Variants in SLC25A21 observed in about 807,000 individuals in gnomAD.
SLC25A21 encodes mitochondrial 2-oxodicarboxylate carrier.
A neutral mutation model predicts 43.8 loss-of-function variants in SLC25A21; 47 were observed. The observed-to-expected ratio is 1.07, with a 90% CI of 0.85 to 1.37. SLC25A21 has a LOEUF of 1.37. Among genes scored for constraint, SLC25A21 ranks in the 40% most tolerant of loss-of-function variants. The pLI, the probability that SLC25A21 is intolerant of heterozygous loss-of-function variation, is 0.00. For synonymous variants in SLC25A21, 131 were observed against 121.3 expected (o/e 1.08, Z -0.52); for missense variants, 352 against 350.2 (o/e 1.00, Z -0.04).
chr14:36,984,419 A>G (rs1430010637), intron 1 of SLC25A21, among the ~76,000 whole-genome samples: 2 of 152,148 alleles, frequency 1.3e-5, no homozygotes, highest in Non-Finnish European at 2.9e-5. Flanking sequence ...AGAAGATGTA[A>G]ACTCAATGTG....
At chr14:36,858,382 C>G (rs1301737227) in intron 2 of SLC25A21, among the ~76,000 whole-genome samples, 1 of 152,124 alleles carries the variant, frequency 6.6e-6, no homozygotes. Flanking sequence ...AAGAAACCAC[C>G]AGAAAGTGTC....
At chr14:36,971,330 C>T (rs1959743675) in intron 1 of SLC25A21, among the ~76,000 whole-genome samples, 1 of 152,062 alleles carries the variant, frequency 6.6e-6, no homozygotes, top group Admixed American at 6.6e-5. Flanking sequence ...GCAGTTGTGC[C>T]AATAGGAAAA....
At chr14:37,009,032 A>G (rs1346416238) in intron 1 of SLC25A21, among the ~76,000 whole-genome samples, 1 of 152,180 alleles carries the variant, frequency 6.6e-6, no homozygotes, top group Admixed American at 6.6e-5. Flanking sequence ...TAAAGACGAG[A>G]GCACATTAGA....
chr14:37,133,729 TA>T (rs1232569324), intron 1 of SLC25A21, among the ~76,000 whole-genome samples: 1 of 152,130 alleles, frequency 6.6e-6, no homozygotes, highest in Non-Finnish European at 1.5e-5. Flanking sequence ...TCAATCATGC[TA>T]AACCTGTTGT....
chr14:37,076,880 C>T (rs1331676616), intron 1 of SLC25A21, among the ~76,000 whole-genome samples: 2 of 152,178 alleles, frequency 1.3e-5, no homozygotes, highest in Admixed American at 1.3e-4. Flanking sequence ...AATTCCTAGG[C>T]CACTCTTGTC....
intron 1 of SLC25A21, among the ~76,000 whole-genome samples, chr14:36,876,692 T>G (rs987832590): frequency 1.3e-5 from 2 of 152,102 alleles, no homozygotes; most frequent in Non-Finnish European, 2.9e-5. Flanking sequence ...GGTGCCTTCA[T>G]GGACTCATCA....
chr14:36,934,468 G>GT, intron 1 of SLC25A21, among the ~76,000 whole-genome samples: 1 of 72,770 alleles, frequency 1.4e-5, no homozygotes, highest in South Asian at 3.5e-4. Context: ...TATCTTGGGA[G>GT]TAAAAAAAAA....
At chr14:36,984,076 A>T (rs751815784) in intron 1 of SLC25A21, among the ~76,000 whole-genome samples, 6 of 152,164 alleles carry the variant, frequency 3.9e-5, no homozygotes, top group Non-Finnish European at 8.8e-5. Context: ...CCCAAAGCTC[A>T]CCATTATGCA....
intron 1 of SLC25A21, among the ~76,000 whole-genome samples, chr14:36,921,532 T>C (rs1385807727): frequency 6.6e-6 from 1 of 152,094 alleles, no homozygotes; most frequent in African/African-American, 2.4e-5. Context: ...TGAAACAAAA[T>C]GGATGAATCT....
intron 1 of SLC25A21, among the ~76,000 whole-genome samples, chr14:37,147,638 T>G (rs887647005): frequency 2.3e-5 from 3 of 130,068 alleles, no homozygotes; most frequent in African/African-American, 9.4e-5. Context: ...TTTCAGGTTT[T>G]TTTTTTTTTT....
intron 1 of SLC25A21, among the ~76,000 whole-genome samples, chr14:36,887,562 C>A (rs1316138342): frequency 4.2e-5 from 6 of 141,942 alleles, no homozygotes; most frequent in South Asian, 4.5e-4. Flanking sequence ...GACTCCATTG[C>A]AAAAAAAAAA....
At chr14:36,977,701 C>T (rs72667334) in intron 1 of SLC25A21, among the ~76,000 whole-genome samples, 16,397 of 151,990 alleles carry the variant, frequency 0.11, 965 homozygotes, top group African/African-American at 0.14. Context: ...TAACAGTATA[C>T]GACACTATTA....
In SLC25A21 at chr14:36,854,656, A is replaced by G. The variant is rs1410520256; in HGVS notation, c.119+20300T>C. The stretch of plus-strand genomic sequence containing the variant: ...ATTATCACTATGATGTGTTTTTACA[A>G]GTTGTGCTTGGGAAATAATAAATGG... On this transcript the variant is annotated intron_variant, in intron 2 of 9. Coordinates refer to ENST00000331299, the MANE Select transcript of SLC25A21 (RefSeq NM_030631.4). Among the ~76,000 whole-genome samples the G allele has an allele frequency of 2.0e-5, 3 of 152,218 alleles. No individual in the cohort carries two copies. In the East Asian group the frequency reaches 5.8e-4, roughly 29 times the overall value.
chr14:37,074,778 C>T (rs187028724), intron 1 of SLC25A21, among the ~76,000 whole-genome samples: 63 of 152,126 alleles, frequency 4.1e-4, no homozygotes, highest in South Asian at 8.3e-4. Flanking sequence ...GCCGAGATCG[C>T]GCCACTGCAC....
chr14:36,697,481 C>T (rs527472227), intron 7 of SLC25A21, among the ~76,000 whole-genome samples: 2 of 152,228 alleles, frequency 1.3e-5, no homozygotes, highest in African/African-American at 2.4e-5. Flanking sequence ...CCTTCTGTCT[C>T]GTTGATCTGT....
intron 4 of SLC25A21, among the ~76,000 whole-genome samples, chr14:36,731,357 G>A (rs1449409102): frequency 1.3e-5 from 2 of 152,202 alleles, no homozygotes; most frequent in Non-Finnish European, 2.9e-5. Flanking sequence ...CAGTCCTAGA[G>A]CTGAATCCAG....
intron 7 of SLC25A21, among the ~76,000 whole-genome samples, chr14:36,705,534 GAATA>G (rs1398949394): frequency 1.3e-5 from 2 of 151,902 alleles, no homozygotes; most frequent in African/African-American, 2.4e-5. Flanking sequence ...TTAATATAAA[GAATA>G]AATACTTTCC....
At chr14:36,789,341 A>T (rs1459957607) in intron 3 of SLC25A21, among the ~76,000 whole-genome samples, 1 of 151,996 alleles carries the variant, frequency 6.6e-6, no homozygotes, top group Non-Finnish European at 1.5e-5. Context: ...GAAAATAAAA[A>T]CTGGTATCTT....
At chr14:37,124,830 C>T (rs899268663) in intron 1 of SLC25A21, among the ~76,000 whole-genome samples, 1 of 152,078 alleles carries the variant, frequency 6.6e-6, no homozygotes, top group Admixed American at 6.6e-5. Context: ...AAGTGTGTGG[C>T]GCCGCCTACC....
Sources: gnomAD v4.1 joint callset for allele counts (sites outside exome capture counted in the v4.1 genomes callset) on GRCh38, gnomAD v4.1.1 for gene constraint, MANE v1.5 for transcripts, NCBI Gene and HGNC (gene_info 2026-07-23, HGNC 2026-07-21) for gene names.